Variants in SLC45A4 observed in about 807,000 individuals in gnomAD.
SLC45A4 encodes solute carrier family 45 member 4, also known as polyamine-transporter SLC45A4.
In SLC45A4, 32 loss-of-function variants were observed where a neutral mutation model predicts 63.7. That is an observed-to-expected ratio of 0.50 (90% CI 0.38 to 0.67). The LOEUF (loss-of-function observed/expected upper bound fraction) is 0.67, where lower values mean the gene tolerates loss of function less well. Ranked by LOEUF, SLC45A4 falls within the 30% of genes least tolerant of loss-of-function variation. SLC45A4 has a pLI of 0.00. For missense variants in SLC45A4, 1,027 were observed against 1,157.7 expected, an observed-to-expected ratio of 0.89 and a Z score of 1.64; for synonymous variants, 535 against 510.0, an observed-to-expected ratio of 1.05 and a Z score of -0.66.
chr8:141,213,379 G>A (rs1180587158), intron 7 of SLC45A4, among the ~76,000 whole-genome samples: 1 of 152,160 alleles, frequency 6.6e-6, no homozygotes, highest in Non-Finnish European at 1.5e-5. Flanking sequence ...AACCACATGG[G>A]GTATGTTCTC....
intron 1 of SLC45A4, among the ~76,000 whole-genome samples, chr8:141,295,675 C>A (rs1589862801): frequency 6.6e-6 from 1 of 152,230 alleles, no homozygotes; most frequent in Non-Finnish European, 1.5e-5. Context: ...CACGGCAGCA[C>A]TGACTGAGGC....
At chr8:141,262,899 A>G (rs980257577) in intron 1 of SLC45A4, among the ~76,000 whole-genome samples, 82 of 151,534 alleles carry the variant, frequency 5.4e-4, no homozygotes, top group African/African-American at 1.9e-3. Context: ...ATGCTGCTAT[A>G]AAGACACATG....
chr8:141,276,171 G>C (rs970575244), intron 1 of SLC45A4, among the ~76,000 whole-genome samples: 3 of 152,022 alleles, frequency 2.0e-5, no homozygotes, highest in Non-Finnish European at 4.4e-5. Context: ...CAAATTGCTG[G>C]GATTACAAGT....
intron 1 of SLC45A4, among the ~76,000 whole-genome samples, chr8:141,295,403 T>C (rs569473076): frequency 2.6e-5 from 4 of 152,328 alleles, no homozygotes; most frequent in Admixed American, 2.6e-4. Context: ...TTAGGCTCAG[T>C]TCCTCCATGA....
intron 1 of SLC45A4, chr8:141,292,982 G>A (rs1179054782): frequency 5.3e-5 from 8 of 152,168 alleles, no homozygotes; most frequent in African/African-American, 1.4e-4. Flanking sequence ...ATACCCCCTA[G>A]GGCCCAGATT....
At chr8:141,237,256 G>A (rs1056859464) in intron 2 of SLC45A4, among the ~76,000 whole-genome samples, 6 of 152,124 alleles carry the variant, frequency 3.9e-5, no homozygotes, top group African/African-American at 1.2e-4. Context: ...GGAGTGGCAC[G>A]TAAGGCCTCC....
chr8:141,253,990 A>G lies in SLC45A4; in HGVS notation c.240T>C (p.Ile80=). The change falls in exon 2 of 9, where the codon ATT becomes ATC. Residue 80 remains isoleucine, a splice_region_variant and synonymous_variant. Transcript: ENST00000517878. ...TALVTPILLQ[I]GLPEQYYSLT... ...CGCACAGACGGGGAGGAGACTTACCAATCTGCAACAGTATTGGTGTGACCA... is the reference window on the plus strand; with the variant it reads ...CGCACAGACGGGGAGGAGACTTACCGATCTGCAACAGTATTGGTGTGACCA... 1 of 1,536,076 alleles carries G rather than the reference A, an allele frequency of 6.5e-7. No individual in the cohort carries two copies. The highest frequency in any genetic ancestry group is 2.0e-5 in the Admixed American group (1 of 51,000).
At position 141,302,563 on chromosome 8, in the gene SLC45A4, G is replaced by A. The variant is rs1158821176; in HGVS notation, c.-401+5533C>T. Among the ~76,000 whole-genome samples, 108 of 152,220 alleles carry A rather than the reference G, an allele frequency of 7.1e-4. 1 individual carries two copies. The highest frequency in any genetic ancestry group is 1.9e-4 in the East Asian group (1 of 5,192). On this transcript the variant is annotated intron_variant, in intron 1 of 8. Transcript: ENST00000517878. The stretch of plus-strand genomic sequence containing the variant: ...GCCAGGCTGGTCTCGAACTCCTGAC[G>A]TCAGGTGATCCACTCACCTTGGCCT...
intron 1 of SLC45A4, among the ~76,000 whole-genome samples, chr8:141,270,678 C>G (rs1211295046): frequency 6.6e-6 from 1 of 152,110 alleles, no homozygotes; most frequent in Non-Finnish European, 1.5e-5. Flanking sequence ...TGTCCAATGC[C>G]AGCGTGACCC....
chr8:141,286,998 A>G (rs1439987258), intron 1 of SLC45A4, among the ~76,000 whole-genome samples: 1 of 152,070 alleles, frequency 6.6e-6, no homozygotes, highest in Non-Finnish European at 1.5e-5. Flanking sequence ...CCAAATCCTA[A>G]GACTATCAGA....
At chr8:141,242,500 A>G (rs973097500) in intron 2 of SLC45A4, among the ~76,000 whole-genome samples, 1 of 152,158 alleles carries the variant, frequency 6.6e-6, no homozygotes, top group African/African-American at 2.4e-5. Flanking sequence ...TATCAGAAAG[A>G]ACACCATACT....
intron 2 of SLC45A4, among the ~76,000 whole-genome samples, chr8:141,231,564 G>A (rs1827357730): frequency 6.6e-6 from 1 of 152,222 alleles, no homozygotes; most frequent in African/African-American, 2.4e-5. Flanking sequence ...ACAGCAGGTG[G>A]GCGGACGGCT....
At chr8:141,277,714 A>G (rs1262687478) in intron 1 of SLC45A4, among the ~76,000 whole-genome samples, 1 of 151,280 alleles carries the variant, frequency 6.6e-6, no homozygotes, top group Non-Finnish European at 1.5e-5. Context: ...ATCTCGGCTC[A>G]CTGCAAGCTC....
At chr8:141,267,001 A>G (rs1829293371) in intron 1 of SLC45A4, among the ~76,000 whole-genome samples, 1 of 152,270 alleles carries the variant, frequency 6.6e-6, no homozygotes, top group African/African-American at 2.4e-5. Context: ...GAGTAGGCAC[A>G]TAGTCAAGCA....
chr8:141,234,927 A>G (rs1038976076), intron 2 of SLC45A4, among the ~76,000 whole-genome samples: 3 of 152,132 alleles, frequency 2.0e-5, no homozygotes. Flanking sequence ...TGACCATGAT[A>G]CTGGCTGTTT....
intron 5 of SLC45A4, 59 bp downstream of exon 5, chr8:141,217,952 T>A: frequency 6.6e-7 from 1 of 1,516,510 alleles, no homozygotes; most frequent in African/African-American, 1.4e-5. Context: ...CCCGTGAGCT[T>A]CTCCGTGAGC....
Position 141,219,754 on chromosome 8 carries a change from T to G in SLC45A4, c.506A>C (p.Asp169Ala). 1.2e-6 allele frequency: 2 copies of G among 1,603,038 alleles called. No homozygotes were observed. Among genetic ancestry groups the G allele is most frequent in the Non-Finnish European group, 1.7e-6 (2 of 1,175,320 alleles). ...CCCCTCGGTGGCATCGGCGCTGAAG[T>G]CCAGGACCACCACTCCCAGCACCGT... ...VLTVLGVVVL[D>A]FSADATEGPI... The change falls in exon 4 of 9, where the codon GAC becomes GCC. Residue 169 changes from aspartate (D) to alanine (A), a missense_variant. By Grantham distance (126) the Asp-to-Ala change is moderately radical. Transcript: ENST00000517878.
chr8:141,249,436 T>C (rs1828364639), intron 2 of SLC45A4, among the ~76,000 whole-genome samples: 2 of 152,154 alleles, frequency 1.3e-5, no homozygotes, highest in Non-Finnish European at 2.9e-5. Flanking sequence ...CGGGGATGAA[T>C]CAGAAAAGCA....
Position 141,218,655 on chromosome 8 carries a change from C to A in SLC45A4, c.985G>T (p.Asp329Tyr). 6.2e-7 allele frequency: 1 copy of A among 1,613,272 alleles called. No individual in the cohort carries two copies. The highest frequency in any genetic ancestry group is 8.5e-7 in the Non-Finnish European group (1 of 1,179,894). Residue 329 changes from aspartate (D) to tyrosine (Y), a missense_variant, in exon 5 of 9, where the codon GAC becomes TAC. Asp to Tyr is a radical substitution (Grantham distance 160, BLOSUM62 -3). Transcript: ENST00000517878. ...DLEPELLFLH[D>Y]IEPSIFHDAS... ...TCGTGGAAGATGGAGGGCTCGATGT[C>A]GTGCAGGAACAGCAGCTCGGGCTCC... is the stretch of plus-strand genomic sequence containing the variant.
Sources: allele counts gnomAD v4.1 joint callset (sites outside exome capture counted in the v4.1 genomes callset), GRCh38; gene constraint gnomAD v4.1.1; transcripts MANE v1.5; gene names NCBI Gene and HGNC (gene_info 2026-07-23, HGNC 2026-07-21).